DUSP18: variants seen among roughly 807,000 people sequenced by gnomAD.
The protein encoded by DUSP18 is dual specificity phosphatase 18.
DUSP18 carries 4 observed loss-of-function variants against 6.3 expected under a neutral mutation model. That is an observed-to-expected ratio of 0.63 (90% CI 0.31 to 1.45). The LOEUF is 1.45. Ranked by LOEUF, DUSP18 falls within the 40% of genes most tolerant of loss-of-function variation. The probability of loss-of-function intolerance (pLI) is 0.07; values close to 1 mark genes in which losing one functional copy is unlikely to be tolerated. For missense variants in DUSP18, 235 were observed against 247.7 expected (o/e 0.95, Z 0.34); for synonymous variants, 96 against 95.1 (o/e 1.01, Z -0.05).
rs1208722136 is a variant in DUSP18, at chr22:30,662,257, A to G, written c.*1180T>C. Reference sequence around the variant, plus strand: ...AAGAAATTGTTGAATCTTCACAATAACTCTGTGAGAAAAGGGCTGTCATTG... The same window carrying G: ...AAGAAATTGTTGAATCTTCACAATAGCTCTGTGAGAAAAGGGCTGTCATTG... On this transcript the variant is annotated 3_prime_UTR_variant, in exon 2 of 2. Transcript: ENST00000334679. 1 of 152,182 alleles carries G rather than the reference A, an allele frequency of 6.6e-6. No individual in the cohort carries two copies. Among genetic ancestry groups the G allele is most frequent in the South Asian group, 2.1e-4 (1 of 4,824 alleles). 9.4% of individuals were successfully genotyped at this position (152,182 alleles called of 1,614,324 possible).
downstream of DUSP18, among the ~76,000 whole-genome samples, chr22:30,658,970 G>C (rs892286441): frequency 3.3e-5 from 5 of 151,864 alleles, no homozygotes; most frequent in African/African-American, 1.2e-4. Flanking sequence ...TGGCGAAACC[G>C]CATCTCTACT....
intron 1 of DUSP18, chr22:30,665,071 C>G (rs1442468520): frequency 1.3e-5 from 2 of 153,482 alleles, no homozygotes; most frequent in East Asian, 1.9e-4. Flanking sequence ...CCTGGGTGCC[C>G]AGAGCATTCA....
At chr22:30,655,445 A>G (rs1034265931) in intron 2 of DUSP18, among the ~76,000 whole-genome samples, 16 of 151,176 alleles carry the variant, frequency 1.1e-4, no homozygotes, top group Admixed American at 3.9e-4. Context: ...AAAAAAAAAA[A>G]AAAGAAAAAG....
chr22:30,663,920 A>ATAC lies in DUSP18; in HGVS notation c.81_83dup (p.Leu27_Tyr28insTer). The ATAC allele has an allele frequency of 6.2e-7, 1 of 1,614,208 alleles. No homozygotes were observed. The highest frequency in any genetic ancestry group is 8.5e-7 in the Non-Finnish European group (1 of 1,180,036). ...TGTTGGCGGCCACACCATTGCTGAT[A>ATAC]TACAGGCTTTTGGTTATCTGCGAGA... is the stretch of plus-strand genomic sequence containing the variant. On this transcript the variant is annotated stop_gained, in exon 2 of 2. Coordinates refer to ENST00000334679, the MANE Select transcript of DUSP18 (RefSeq NM_152511.5). LOFTEE classifies it high-confidence loss of function.
chr22:30,657,615 A>T (rs1052685175), downstream of DUSP18, among the ~76,000 whole-genome samples: 2 of 151,842 alleles, frequency 1.3e-5, no homozygotes, highest in Non-Finnish European at 2.9e-5. Flanking sequence ...TTAAAGATTT[A>T]AAAAATAGGC....
chr22:30,660,692 C>T (rs1300860213), downstream of DUSP18, among the ~76,000 whole-genome samples: 2 of 152,118 alleles, frequency 1.3e-5, no homozygotes, highest in African/African-American at 2.4e-5. Flanking sequence ...TGTCCATATA[C>T]ATCATAATTA....
At chr22:30,660,788 G>A (rs535922255), downstream of DUSP18, among the ~76,000 whole-genome samples, 2 of 151,468 alleles carry the variant, frequency 1.3e-5, no homozygotes, top group Non-Finnish European at 2.9e-5. Flanking sequence ...ACAATAGTTA[G>A]AATGCCTCTG....
chr22:30,667,438 G>A (rs1418267718), intron 1 of DUSP18, 24 bp downstream of exon 1: 1 of 152,242 alleles, frequency 6.6e-6, no homozygotes, highest in Non-Finnish European at 1.5e-5. Flanking sequence ...CGCCTGCTTA[G>A]TGTCAGGACC....
rs1025374090 is a variant in DUSP18, at chr22:30,662,843, A to T, written c.*594T>A. The T allele has an allele frequency of 6.6e-6, 1 of 152,608 alleles. No individual in the cohort carries two copies. The highest frequency in any genetic ancestry group is 1.5e-5 in the Non-Finnish European group (1 of 68,384). The allele number at this position is 152,608 out of a possible 1,614,324, so 9.5% of individuals were successfully genotyped here. On this transcript the variant is annotated 3_prime_UTR_variant, in exon 2 of 2. Transcript: ENST00000334679. ...GACAGTTTCAAAAAAAGACAAAAAA[A>T]AATTTACACAGTGGAATGCTTTCTT...
At chr22:30,660,488 A>G (rs1426709425), downstream of DUSP18, among the ~76,000 whole-genome samples, 1 of 152,176 alleles carries the variant, frequency 6.6e-6, no homozygotes, top group African/African-American at 2.4e-5. Context: ...AAATTTTTTA[A>G]AAAATGAATA....
At chr22:30,652,144 C>A (rs1342479464) in exon 3 of DUSP18, 3 of 152,116 alleles carry the variant, frequency 2.0e-5, no homozygotes, top group Non-Finnish European at 4.4e-5. Flanking sequence ...TTGGGGGAAG[C>A]CAGTGAGACA....
At chr22:30,657,472 A>G (rs1304334646), downstream of DUSP18, among the ~76,000 whole-genome samples, 1 of 132,882 alleles carries the variant, frequency 7.5e-6, no homozygotes, top group Non-Finnish European at 1.7e-5. Context: ...AAAAAAAAAA[A>G]TTCTGGCCGG....
At chr22:30,657,779 C>T (rs1439278043), downstream of DUSP18, among the ~76,000 whole-genome samples, 2 of 151,580 alleles carry the variant, frequency 1.3e-5, no homozygotes, top group African/African-American at 4.8e-5. Flanking sequence ...TGGCGGGCAC[C>T]TGTAGTCCCA....
At position 30,664,048 on chromosome 22, in the gene DUSP18, T is replaced by C; in HGVS notation, c.-45A>G. The C allele has an allele frequency of 6.5e-7, 1 of 1,529,174 alleles. No individual in the cohort carries two copies. Among genetic ancestry groups the C allele is most frequent in the Non-Finnish European group, 8.9e-7 (1 of 1,123,378 alleles). 94.7% of individuals were successfully genotyped at this position (1,529,174 alleles called of 1,614,324 possible). On this transcript the variant is annotated 5_prime_UTR_variant, in exon 2 of 2. Transcript: ENST00000334679. ...TCAGCAGTCAGCGAAGCACGAAGGCTGCGTCTTTCTGCTAGGCTGTGTCCA... is the reference window on the plus strand; with the variant it reads ...TCAGCAGTCAGCGAAGCACGAAGGCCGCGTCTTTCTGCTAGGCTGTGTCCA...
chr22:30,661,155 A>C (rs1410833195), downstream of DUSP18, among the ~76,000 whole-genome samples: 1 of 152,034 alleles, frequency 6.6e-6, no homozygotes, highest in Non-Finnish European at 1.5e-5. Context: ...TTGTATTTCT[A>C]TATACTAATA....
At chr22:30,665,665 C>T (rs1386333004) in intron 1 of DUSP18, 6 of 388,812 alleles carry the variant, frequency 1.5e-5, no homozygotes, top group Non-Finnish European at 2.6e-5. Flanking sequence ...CTAACACTTA[C>T]TGAAGACGTA....
intron 2 of DUSP18, among the ~76,000 whole-genome samples, chr22:30,656,318 G>C (rs991969180): frequency 6.6e-6 from 1 of 152,072 alleles, no homozygotes; most frequent in African/African-American, 2.4e-5. Flanking sequence ...TAGGAAAGCA[G>C]GGCTGTGTGC....
chr22:30,661,426 TTTTTTTCTTTTCTTTTTC>T (rs2088462414), downstream of DUSP18: 2 of 150,480 alleles, frequency 1.3e-5, no homozygotes, highest in Admixed American at 1.3e-4. Flanking sequence ...CAAGCATTTC[TTTTTTTCTTTTCTTTTTC>T]TTTTTTTTTT....
chr22:30,658,154 A>C (rs1487034183), downstream of DUSP18, among the ~76,000 whole-genome samples: 1 of 151,446 alleles, frequency 6.6e-6, no homozygotes, highest in Non-Finnish European at 1.5e-5. Flanking sequence ...TCGGGGTTCT[A>C]GTTCTAAGTA....
Sources: gnomAD v4.1 joint callset for allele counts (sites outside exome capture counted in the v4.1 genomes callset) on GRCh38, gnomAD v4.1.1 for gene constraint, MANE v1.5 for transcripts, NCBI Gene and HGNC (gene_info 2026-07-23, HGNC 2026-07-21) for gene names.